The following SLC4A4 variants were observed in gnomAD, a reference collection of about 807,000 sequenced individuals.
SLC4A4 encodes electrogenic sodium bicarbonate cotransporter 1.
A neutral mutation model predicts 111.5 loss-of-function variants in SLC4A4; 27 were observed. The observed-to-expected ratio is 0.24, with a 90% CI of 0.18 to 0.33. The LOEUF is 0.33. Ranked by LOEUF, SLC4A4 falls within the 10% of genes least tolerant of loss-of-function variation. SLC4A4 has a pLI of 1.00. For synonymous variants in SLC4A4, 443 were observed against 463.4 expected (o/e 0.96, Z 0.57); for missense variants, 909 against 1,315.5 (o/e 0.69, Z 4.78).
At chr4:71,301,139 G>A (rs1699325491) in intron 3 of SLC4A4, 1 of 348,580 alleles carries the variant, frequency 2.9e-6, no homozygotes, top group South Asian at 2.5e-5. Context: ...TGGGGGATGG[G>A]CACCACACGT....
At position 71,388,852 on chromosome 4, in the gene SLC4A4, A is replaced by AGCCACCATGCCTGGCCTT. The variant is rs1719003874; in HGVS notation, c.731-8725_731-8724insGCCACCATGCCTGGCCTT. Among the ~76,000 whole-genome samples, 7 of 152,318 alleles carry AGCCACCATGCCTGGCCTT rather than the reference A, an allele frequency of 4.6e-5. No homozygotes were observed. In the South Asian group the frequency reaches 1.5e-3, roughly 32 times the overall value. ...AGGCATGAGCCACCATGCCTGGCCTAACCTACCTATTTTAGATCACAATAA... is the reference window on the plus strand; with the variant it reads ...AGGCATGAGCCACCATGCCTGGCCTAGCCACCATGCCTGGCCTTACCTACCTATTTTAGATCACAATAA... On this transcript the variant is annotated intron_variant, in intron 6 of 25. Transcript: ENST00000264485.
intron 7 of SLC4A4, among the ~76,000 whole-genome samples, chr4:71,420,636 C>G (rs896679660): frequency 6.6e-6 from 1 of 152,208 alleles, no homozygotes; most frequent in Non-Finnish European, 1.5e-5. Context: ...CAGCGGATCT[C>G]TCATCAGAAA....
chr4:71,149,239 C>T (rs1744254960), intron 2 of SLC4A4, among the ~76,000 whole-genome samples: 1 of 151,956 alleles, frequency 6.6e-6, no homozygotes, highest in Non-Finnish European at 1.5e-5. Flanking sequence ...TAGAAGATGG[C>T]ATGAAGGCAC....
chr4:71,369,213 T>C (rs560831032), intron 6 of SLC4A4, among the ~76,000 whole-genome samples: 9 of 152,180 alleles, frequency 5.9e-5, no homozygotes, highest in Non-Finnish European at 1.0e-4. Flanking sequence ...ATCGGGCTCA[T>C]GGTTACTGAG....
At chr4:71,442,376 A>G (rs1270024196) in intron 8 of SLC4A4, among the ~76,000 whole-genome samples, 2 of 152,220 alleles carry the variant, frequency 1.3e-5, no homozygotes, top group Non-Finnish European at 2.9e-5. Flanking sequence ...ATTCAATAAT[A>G]TTATATAACT....
chr4:71,077,159 A>G (rs1741856971), intron 1 of SLC4A4, among the ~76,000 whole-genome samples: 1 of 149,384 alleles, frequency 6.7e-6, no homozygotes, highest in African/African-American at 2.4e-5. Context: ...TTTTTAGAGT[A>G]TGTACTTTTT....
intron 2 of SLC4A4, among the ~76,000 whole-genome samples, chr4:71,240,024 G>A (rs377341032): frequency 1.3e-5 from 2 of 152,152 alleles, no homozygotes; most frequent in African/African-American, 2.4e-5. Flanking sequence ...TGTTGACCAC[G>A]AGGAACAACC....
intron 1 of SLC4A4, among the ~76,000 whole-genome samples, chr4:71,219,656 T>C (rs1442712936): frequency 6.6e-6 from 1 of 152,220 alleles, no homozygotes; most frequent in African/African-American, 2.4e-5. Context: ...CAAAGTAAAT[T>C]GAAAACCTTC....
chr4:71,558,764 C>T lies in SLC4A4; in HGVS notation c.2937+879C>T, dbSNP rs369666269. On this transcript the variant is annotated intron_variant, in intron 22 of 25. Transcript: ENST00000264485. ...CATATTTGTTGTTTGAAATTTTTTTCGTCCAAGGATGCAAGAAAAAATGGA... is the reference window on the plus strand; with the variant it reads ...CATATTTGTTGTTTGAAATTTTTTTTGTCCAAGGATGCAAGAAAAAATGGA... Among the ~76,000 whole-genome samples the T allele has an allele frequency of 1.4e-3, 216 of 151,694 alleles. 6 individuals carry two copies. In the South Asian group the frequency reaches 0.043, roughly 30 times the overall value.
In SLC4A4 at chr4:71,357,122, G is replaced by A. The variant is rs1234237169; in HGVS notation, c.665G>A (p.Arg222Gln). ...HRHQTKKSNL[R>Q]SLADIGKTVS... ...CATCAAACCAAGAAATCCAACCTTC[G>A]GTCCCTGGCTGACATTGGGAAGACA... is the stretch of plus-strand genomic sequence containing the variant. Residue 222 changes from arginine (R) to glutamine (Q), a missense_variant, in exon 6 of 26, where the codon CGG (arginine) becomes CAG (glutamine). Transcript: ENST00000264485. 2.5e-6 allele frequency: 4 copies of A among 1,613,946 alleles called. No individual in the cohort carries two copies. The highest frequency in any genetic ancestry group is 2.2e-5 in the East Asian group (1 of 44,882).
chr4:71,519,641 ACAT>A lies in SLC4A4; in HGVS notation c.2167-12417_2167-12415del, dbSNP rs562175988. Among the ~76,000 whole-genome samples the A allele has an allele frequency of 8.7e-4, 87 of 99,978 alleles. 1 individual carries two copies. In the South Asian group the frequency reaches 0.022, roughly 26 times the overall value. The allele number at this position is 99,978 out of a possible 152,430, so 65.6% of individuals were successfully genotyped here. On this transcript the variant is annotated intron_variant, in intron 16 of 25. Transcript: ENST00000264485. ...ATGCATACATAAATGAATATTAAGA[ACAT>A]CATTTTTTTTGACAGAGTCTCGCTC...
At chr4:71,099,400 T>C (rs1394869086) in intron 2 of SLC4A4, among the ~76,000 whole-genome samples, 1 of 152,116 alleles carries the variant, frequency 6.6e-6, no homozygotes, top group African/African-American at 2.4e-5. Flanking sequence ...TTGAAACTAA[T>C]GAGAACAAAT....
intron 7 of SLC4A4, among the ~76,000 whole-genome samples, chr4:71,406,845 T>A (rs1360528098): frequency 6.6e-6 from 1 of 152,144 alleles, no homozygotes; most frequent in Admixed American, 6.5e-5. Context: ...AGCTGTACTC[T>A]TCATCATTCA....
intron 20 of SLC4A4, among the ~76,000 whole-genome samples, chr4:71,551,404 T>A (rs1441963682): frequency 6.6e-6 from 1 of 151,880 alleles, no homozygotes; most frequent in Non-Finnish European, 1.5e-5. Context: ...GTAGAGATGA[T>A]GGTAATGGTG....
chr4:71,335,132 G>A (rs1320311577), intron 3 of SLC4A4, among the ~76,000 whole-genome samples: 1 of 152,124 alleles, frequency 6.6e-6, no homozygotes, highest in Non-Finnish European at 1.5e-5. Flanking sequence ...TTATTACCTA[G>A]GTGGCAGATA....
chr4:71,497,460 T>G, intron 15 of SLC4A4, 41 bp from the exon 16 acceptor site: 5 of 1,535,936 alleles, frequency 3.3e-6, no homozygotes, highest in Non-Finnish European at 4.5e-6. Context: ...TTTTTATATG[T>G]CAATGTTCTC....
intron 1 of SLC4A4, among the ~76,000 whole-genome samples, chr4:71,204,458 C>T (rs554818353): frequency 6.6e-6 from 1 of 152,138 alleles, no homozygotes; most frequent in Non-Finnish European, 1.5e-5. Context: ...GGAAAAGTTA[C>T]CAAGGATGTT....
chr4:71,455,582 A>G (rs1262056318), intron 12 of SLC4A4, among the ~76,000 whole-genome samples: 2 of 152,182 alleles, frequency 1.3e-5, no homozygotes, highest in Admixed American at 6.5e-5. Context: ...AGAAAATAGA[A>G]GAAAGCTGTG....
intron 3 of SLC4A4, among the ~76,000 whole-genome samples, chr4:71,308,261 T>C (rs549650582): frequency 1.3e-5 from 2 of 152,170 alleles, no homozygotes; most frequent in African/African-American, 4.8e-5. Flanking sequence ...TCAATATACA[T>C]AGTAGTTGTT....
Sources: allele counts gnomAD v4.1 joint callset (sites outside exome capture counted in the v4.1 genomes callset), GRCh38; gene constraint gnomAD v4.1.1; transcripts MANE v1.5; gene names NCBI Gene and HGNC (gene_info 2026-07-23, HGNC 2026-07-21).